The following NEK7 variants were observed in gnomAD, a reference collection of about 807,000 sequenced individuals.
NEK7 encodes the protein serine/threonine-protein kinase Nek7.
In NEK7, 18 loss-of-function variants were observed where a neutral mutation model predicts 44.6. The ratio of observed to expected loss-of-function variants is 0.40; its 90% CI spans 0.28 to 0.60. The LOEUF is 0.60. Ranked by LOEUF, NEK7 falls within the 20% of genes least tolerant of loss-of-function variation. The pLI, the probability that NEK7 is intolerant of heterozygous loss-of-function variation, is 0.38. For synonymous variants in NEK7, 130 were observed against 121.1 expected (o/e 1.07, Z -0.48); for missense variants, 256 against 366.5 (o/e 0.70, Z 2.46).
At chr1:198,254,532 G>A (rs1359554280) in intron 3 of NEK7, among the ~76,000 whole-genome samples, 3 of 152,138 alleles carry the variant, frequency 2.0e-5, no homozygotes. Flanking sequence ...ATGTGCTGTA[G>A]TTTATCCTTT....
At chr1:198,274,451 T>C (rs1487668988) in intron 5 of NEK7, among the ~76,000 whole-genome samples, 1 of 151,742 alleles carries the variant, frequency 6.6e-6, no homozygotes, top group Non-Finnish European at 1.5e-5. Context: ...AAGCTGACCC[T>C]GATAGTTCCA....
chr1:198,291,315 C>T (rs539477782), intron 7 of NEK7, among the ~76,000 whole-genome samples: 1 of 152,264 alleles, frequency 6.6e-6, no homozygotes, highest in Admixed American at 6.5e-5. Context: ...TCCAACTGTA[C>T]CTACCATCCT....
intron 1 of NEK7, among the ~76,000 whole-genome samples, chr1:198,228,846 A>G (rs4319371): frequency 0.13 from 19,826 of 152,028 alleles, 1,951 homozygotes; most frequent in East Asian, 0.57. Flanking sequence ...TTTCCTAATT[A>G]AATATCCTTT....
chr1:198,171,657 C>T (rs556448548), intron 1 of NEK7, among the ~76,000 whole-genome samples: 4 of 150,374 alleles, frequency 2.7e-5, no homozygotes, highest in Non-Finnish European at 4.4e-5. Context: ...CCAGCCTGGG[C>T]GACAGAGCAA....
chr1:198,212,761 C>G (rs1348462892), intron 1 of NEK7, among the ~76,000 whole-genome samples: 1 of 152,234 alleles, frequency 6.6e-6, no homozygotes, highest in Non-Finnish European at 1.5e-5. Flanking sequence ...CTGCTGTCAC[C>G]ACTACGGCTG....
chr1:198,243,620 T>A (rs531946979), intron 2 of NEK7, among the ~76,000 whole-genome samples: 1 of 152,232 alleles, frequency 6.6e-6, no homozygotes, highest in Non-Finnish European at 1.5e-5. Context: ...AATTAAATGC[T>A]ACATATGCCA....
chr1:198,165,082 A>T (rs1664227261), intron 1 of NEK7, among the ~76,000 whole-genome samples: 1 of 152,226 alleles, frequency 6.6e-6, no homozygotes, highest in Admixed American at 6.5e-5. Context: ...GATTGTAGCA[A>T]TTCAGTTACA....
chr1:198,307,966 G>A (rs1416040974), intron 9 of NEK7, among the ~76,000 whole-genome samples: 4 of 152,048 alleles, frequency 2.6e-5, no homozygotes, highest in Non-Finnish European at 5.9e-5. Flanking sequence ...GACCTGCCTG[G>A]AAAAAATCAA....
At chr1:198,177,656 A>G (rs1664643208) in intron 1 of NEK7, among the ~76,000 whole-genome samples, 1 of 152,126 alleles carries the variant, frequency 6.6e-6, no homozygotes, top group African/African-American at 2.4e-5. Flanking sequence ...ATAACTTAAA[A>G]AGGGTATGGT....
At chr1:198,215,806 TA>T (rs74334929) in intron 1 of NEK7, among the ~76,000 whole-genome samples, 49,134 of 150,310 alleles carry the variant, frequency 0.33, 9,318 homozygotes, top group East Asian at 0.8. Flanking sequence ...AGTAAAAAAA[TA>T]AAAAAAAACA....
chr1:198,254,892 C>T (rs922683745), intron 3 of NEK7, among the ~76,000 whole-genome samples: 7 of 152,098 alleles, frequency 4.6e-5, no homozygotes, highest in Non-Finnish European at 7.4e-5. Context: ...ACTTTTGGAA[C>T]GATTATTCCC....
rs370660485 is a variant in NEK7, at chr1:198,157,743, G to C, written c.-29+467G>C. On this transcript the variant is annotated intron_variant, in intron 1 of 9. Coordinates refer to ENST00000367385, the MANE Select transcript of NEK7 (RefSeq NM_133494.3). ...GGAAAGTGAAGTGCGCTGGGAGAGA[G>C]TGGGTGGTGGGAGCCGGCAGATAGG... 1.8e-4 allele frequency among the ~76,000 whole-genome samples: 27 copies of C among 152,352 alleles called. No homozygotes were observed. The East Asian group carries it at 5.2e-3, about 29-fold the overall frequency.
chr1:198,227,357 G>A (rs1666256852), intron 1 of NEK7, among the ~76,000 whole-genome samples: 1 of 152,218 alleles, frequency 6.6e-6, no homozygotes, highest in Admixed American at 6.5e-5. Context: ...ATAGCAGCAT[G>A]ATTTATAATC....
intron 1 of NEK7, among the ~76,000 whole-genome samples, chr1:198,193,964 C>G (rs1665151776): frequency 6.6e-6 from 1 of 152,206 alleles, no homozygotes; most frequent in East Asian, 1.9e-4. Context: ...GAAATTCTGG[C>G]CAGGGCAATC....
intron 3 of NEK7, among the ~76,000 whole-genome samples, chr1:198,254,269 C>T (rs1397868218): frequency 2.0e-5 from 3 of 152,112 alleles, no homozygotes; most frequent in African/African-American, 4.8e-5. Context: ...AAAATATTTT[C>T]GACATGTGTG....
intron 1 of NEK7, among the ~76,000 whole-genome samples, chr1:198,174,119 A>T (rs930578379): frequency 6.6e-6 from 1 of 152,220 alleles, no homozygotes; most frequent in Non-Finnish European, 1.5e-5. Flanking sequence ...ACTTTGCACC[A>T]TCCATTCAAA....
At chr1:198,241,240 C>G (rs561431996) in intron 2 of NEK7, among the ~76,000 whole-genome samples, 1 of 152,300 alleles carries the variant, frequency 6.6e-6, no homozygotes, top group South Asian at 2.1e-4. Context: ...ATATTACGAT[C>G]TTGTCATATG....
intron 3 of NEK7, among the ~76,000 whole-genome samples, chr1:198,258,794 A>G (rs1269800854): frequency 6.6e-6 from 1 of 152,210 alleles, no homozygotes; most frequent in Non-Finnish European, 1.5e-5. Context: ...GTGGAGCTGA[A>G]TGAAAATGAT....
At chr1:198,283,895 T>G (rs542702947) in intron 7 of NEK7, among the ~76,000 whole-genome samples, 4 of 152,162 alleles carry the variant, frequency 2.6e-5, no homozygotes, top group Non-Finnish European at 5.9e-5. Context: ...ACCCACAATT[T>G]GGAAAACAGT....
Sources: allele counts gnomAD v4.1 joint callset (sites outside exome capture counted in the v4.1 genomes callset), GRCh38; gene constraint gnomAD v4.1.1; transcripts MANE v1.5; gene names NCBI Gene and HGNC (gene_info 2026-07-23, HGNC 2026-07-21).